Variants in CSMD2 observed in about 807,000 individuals in gnomAD.
CSMD2 encodes the protein CUB and sushi domain-containing protein 2.
A neutral mutation model predicts 398.5 loss-of-function variants in CSMD2; 130 were observed. The ratio of observed to expected loss-of-function variants is 0.33; its 90% confidence interval spans 0.28 to 0.38. CSMD2 has a LOEUF of 0.38. Ranked by LOEUF, CSMD2 falls within the 10% of genes least tolerant of loss-of-function variation. The pLI is 1.00. For missense variants in CSMD2, 3,829 were observed against 4,764.9 expected (o/e 0.80, Z 5.78); for synonymous variants, 1,828 against 1,908.5 (o/e 0.96, Z 1.10).
chr1:33,602,332 CCTTT>C (rs774776206), intron 43 of CSMD2, 33 bp downstream of exon 43: 9 of 1,608,720 alleles, frequency 5.6e-6, no homozygotes, highest in Non-Finnish European at 6.0e-6. Flanking sequence ...CAGTAATGCT[CCTTT>C]CTAATTGGCT....
chr1:33,800,119 C>T (rs1000011724), intron 10 of CSMD2, among the ~76,000 whole-genome samples: 4 of 152,204 alleles, frequency 2.6e-5, no homozygotes, highest in Admixed American at 1.3e-4. Context: ...TTCTTTGAGC[C>T]CCTGAGGGCT....
chr1:34,000,744 G>C (rs1470032335), intron 3 of CSMD2, among the ~76,000 whole-genome samples: 1 of 152,168 alleles, frequency 6.6e-6, no homozygotes, highest in African/African-American at 2.4e-5. Flanking sequence ...GAAGCAAGAT[G>C]AATTCAGAAA....
intron 13 of CSMD2, among the ~76,000 whole-genome samples, chr1:33,748,411 C>T (rs981100912): frequency 2.0e-5 from 3 of 151,796 alleles, no homozygotes; most frequent in Admixed American, 6.6e-5. Flanking sequence ...ATCTTGATGT[C>T]GACTAAACTT....
intron 47 of CSMD2, among the ~76,000 whole-genome samples, chr1:33,581,485 G>C (rs183409766): frequency 9.2e-4 from 116 of 126,046 alleles, no homozygotes; most frequent in Non-Finnish European, 1.5e-3. Context: ...AGCCAAGATC[G>C]CACCACTGTG....
chr1:33,988,824 G>T (rs1646447429), intron 3 of CSMD2, among the ~76,000 whole-genome samples: 1 of 151,684 alleles, frequency 6.6e-6, no homozygotes, highest in African/African-American at 2.4e-5. Context: ...AACCAATGAT[G>T]CTAGAACAAC....
At position 33,652,391 on chromosome 1, in the gene CSMD2, C is replaced by T. The variant is rs747379869; in HGVS notation, c.4518G>A (p.Pro1506=). The change falls in exon 28 of 71, where the codon CCG becomes CCA. Residue 1506 remains proline (P), a synonymous_variant. Coordinates refer to ENST00000373381, the MANE Select transcript of CSMD2 (RefSeq NM_001281956.2). ...CTTTCCAGTCACACTCCTTGCCTGG[C>T]GGGTAGGGTTCTGGGTAATTTGGTG... ...ILSPNYPEPY[P]PGKECDWKVT... 1.5e-5 allele frequency: 24 copies of T among 1,614,002 alleles called. No individual in the cohort carries two copies. The East Asian group carries it at 1.8e-4, about 12-fold the overall frequency.
At chr1:33,522,245 C>A (rs1234443866) in intron 67 of CSMD2, among the ~76,000 whole-genome samples, 1 of 152,194 alleles carries the variant, frequency 6.6e-6, no homozygotes, top group African/African-American at 2.4e-5. Context: ...CCGCAGCTGT[C>A]CCCGCAAACA....
chr1:33,969,334 T>C (rs972851382), intron 3 of CSMD2, among the ~76,000 whole-genome samples: 3 of 152,232 alleles, frequency 2.0e-5, no homozygotes, highest in Non-Finnish European at 4.4e-5. Flanking sequence ...TGGATTTGAT[T>C]CACCTGTTTC....
intron 1 of CSMD2, among the ~76,000 whole-genome samples, chr1:34,107,453 G>A (rs892404904): frequency 6.6e-6 from 1 of 152,044 alleles, no homozygotes; most frequent in Non-Finnish European, 1.5e-5. Context: ...ACAACCATAT[G>A]AGATAGGTAC....
intron 1 of CSMD2, among the ~76,000 whole-genome samples, chr1:34,152,905 G>T (rs1640459739): frequency 6.6e-6 from 1 of 152,054 alleles, no homozygotes; most frequent in Non-Finnish European, 1.5e-5. Context: ...CCCAGCCCCT[G>T]GCAACCACCA....
intron 13 of CSMD2, among the ~76,000 whole-genome samples, chr1:33,761,235 G>A (rs756980250): frequency 6.6e-6 from 1 of 152,096 alleles, no homozygotes; most frequent in Non-Finnish European, 1.5e-5. Context: ...GGAACAGATG[G>A]AAGTCCTGAT....
intron 10 of CSMD2, among the ~76,000 whole-genome samples, chr1:33,795,602 C>T (rs967461031): frequency 6.6e-6 from 1 of 152,236 alleles, no homozygotes; most frequent in Non-Finnish European, 1.5e-5. Flanking sequence ...AATATTTCTT[C>T]TCATCTGTGA....
chr1:33,780,266 G>A (rs1294592873), intron 12 of CSMD2, among the ~76,000 whole-genome samples: 1 of 152,104 alleles, frequency 6.6e-6, no homozygotes, highest in Non-Finnish European at 1.5e-5. Flanking sequence ...GGTGCATTAG[G>A]AACACCCTGT....
chr1:34,058,239 G>A (rs534940386), intron 2 of CSMD2, among the ~76,000 whole-genome samples: 7 of 152,098 alleles, frequency 4.6e-5, no homozygotes, highest in Non-Finnish European at 1.0e-4. Flanking sequence ...ACCCCGGGCA[G>A]GTCACTTCCC....
At chr1:34,054,874 A>C (rs139528149) in intron 2 of CSMD2, among the ~76,000 whole-genome samples, 2 of 152,318 alleles carry the variant, frequency 1.3e-5, no homozygotes, top group African/African-American at 4.8e-5. Flanking sequence ...CTCTGTAAGG[A>C]GAGGTGATGA....
intron 44 of CSMD2, among the ~76,000 whole-genome samples, chr1:33,591,473 G>A (rs750347801): frequency 1.5e-4 from 23 of 152,148 alleles, no homozygotes; most frequent in Non-Finnish European, 1.2e-4. Context: ...ACAAGGAGTG[G>A]TGAGTGTGGT....
At chr1:33,762,197 G>T (rs1216324065) in intron 13 of CSMD2, among the ~76,000 whole-genome samples, 1 of 152,202 alleles carries the variant, frequency 6.6e-6, no homozygotes, top group South Asian at 2.1e-4. Context: ...CAAAGAACAG[G>T]GTTGGGGTAT....
intron 5 of CSMD2, chr1:33,868,952 A>G (rs1056088716): frequency 6.6e-6 from 1 of 152,064 alleles, no homozygotes; most frequent in Non-Finnish European, 1.5e-5. Context: ...AAGGTGTAAG[A>G]GAAGAGTCCT....
chr1:33,753,998 T>C (rs1360097003), intron 13 of CSMD2, among the ~76,000 whole-genome samples: 1 of 152,208 alleles, frequency 6.6e-6, no homozygotes, highest in African/African-American at 2.4e-5. Flanking sequence ...GGAATTCATC[T>C]TCAGATGAGC....
Sources: allele counts gnomAD v4.1 joint callset (sites outside exome capture counted in the v4.1 genomes callset), GRCh38; gene constraint gnomAD v4.1.1; transcripts MANE v1.5; gene names NCBI Gene and HGNC (gene_info 2026-07-23, HGNC 2026-07-21).